The following CRPPA variants were observed in gnomAD, a reference collection of about 807,000 sequenced individuals.
CRPPA encodes the protein D-ribitol-5-phosphate cytidylyltransferase.
CRPPA carries 43 observed loss-of-function variants against 52.0 expected under a neutral mutation model. The ratio of observed to expected loss-of-function variants is 0.83; its 90% CI spans 0.65 to 1.07. The LOEUF is 1.07. CRPPA is among the 50% of genes least tolerant of loss of function. The probability of loss-of-function intolerance (pLI) is 0.00; values close to 1 mark genes in which losing one functional copy is unlikely to be tolerated. For synonymous variants in CRPPA, 250 were observed against 203.5 expected (o/e 1.23, Z -1.94); for missense variants, 629 against 551.7 (o/e 1.14, Z -1.40).
At position 16,239,571 on chromosome 7, in the gene CRPPA, A is replaced by C. The variant is rs1318374324; in HGVS notation, c.1119+18819T>G. On this transcript the variant is annotated intron_variant, in intron 8 of 9. Coordinates refer to ENST00000407010, the MANE Select transcript of CRPPA (RefSeq NM_001101426.4). Reference sequence around the variant, plus strand: ...TAGAAGTCAATAGCAAAAAAAAAAAAAAAAAAAAAAAAACTAGTGAGAGAA... The same window carrying C: ...TAGAAGTCAATAGCAAAAAAAAAAACAAAAAAAAAAAAACTAGTGAGAGAA... Among the ~76,000 whole-genome samples the C allele has an allele frequency of 8.0e-5, 12 of 149,498 alleles. No individual in the cohort carries two copies. The East Asian group carries it at 2.1e-3, about 27-fold the overall frequency.
At position 16,406,128 on chromosome 7, in the gene CRPPA, T is replaced by A. The variant is rs1787947204; in HGVS notation, c.467A>T (p.Asp156Val). Residue 156 changes from aspartate to valine, a missense_variant, in exon 2 of 10, where the codon GAT (aspartate) becomes GTT (valine). By Grantham distance (152) the Asp-to-Val change is radical. Transcript: ENST00000407010. Reference protein sequence around the residue: ...LSKPEVVIIHDAVRPFVEEGV... With the variant: ...LSKPEVVIIHVAVRPFVEEGV... ...TTCCTCAACAAATGGTCTCACAGCA[T>A]CATGGATAATCACTACTTCTGGCTT... 2.5e-6 allele frequency: 4 copies of A among 1,613,966 alleles called. No individual in the cohort carries two copies. The highest frequency in any genetic ancestry group is 3.4e-6 in the Non-Finnish European group (4 of 1,179,854).
At chr7:16,412,348 G>A (rs1788092957) in intron 1 of CRPPA, among the ~76,000 whole-genome samples, 1 of 152,166 alleles carries the variant, frequency 6.6e-6, no homozygotes, top group African/African-American at 2.4e-5. Flanking sequence ...TAGGTTGTTT[G>A]CATGAATTTT....
intron 9 of CRPPA, among the ~76,000 whole-genome samples, chr7:16,210,757 C>T (rs1782111663): frequency 6.6e-6 from 1 of 151,892 alleles, no homozygotes; most frequent in Non-Finnish European, 1.5e-5. Context: ...AAGAAATTCG[C>T]TCATTAAAAA....
At chr7:16,396,345 T>C (rs999322102) in intron 2 of CRPPA, among the ~76,000 whole-genome samples, 2 of 152,100 alleles carry the variant, frequency 1.3e-5, no homozygotes, top group African/African-American at 2.4e-5. Flanking sequence ...ATCAGAGAAA[T>C]GCAAATCAAA....
At chr7:16,219,770 A>G (rs1372976278) in intron 8 of CRPPA, among the ~76,000 whole-genome samples, 2 of 131,252 alleles carry the variant, frequency 1.5e-5, no homozygotes, top group African/African-American at 5.3e-5. Flanking sequence ...GAATAGACCA[A>G]TAACAGGAGC....
intron 3 of CRPPA, among the ~76,000 whole-genome samples, chr7:16,364,197 AG>A (rs749022147): frequency 3.0e-4 from 45 of 152,354 alleles, no homozygotes; most frequent in Non-Finnish European, 5.0e-4. Context: ...ATAAAATGTG[AG>A]CATCTGAGCC....
At chr7:16,192,388 A>G (rs538051292) in intron 9 of CRPPA, among the ~76,000 whole-genome samples, 1 of 152,264 alleles carries the variant, frequency 6.6e-6, no homozygotes, top group African/African-American at 2.4e-5. Context: ...CACAGATAAC[A>G]TGCACAATCT....
At chr7:16,316,327 A>C (rs1411876696) in intron 3 of CRPPA, among the ~76,000 whole-genome samples, 1 of 151,996 alleles carries the variant, frequency 6.6e-6, no homozygotes, top group Non-Finnish European at 1.5e-5. Flanking sequence ...TGAAGACTTT[A>C]TTTTTGTACC....
intron 2 of CRPPA, among the ~76,000 whole-genome samples, chr7:16,390,142 C>T (rs1375612999): frequency 6.6e-6 from 1 of 151,478 alleles, no homozygotes; most frequent in Non-Finnish European, 1.5e-5. Flanking sequence ...CTACTTTTAC[C>T]CATTCCCTCT....
chr7:16,376,778 A>G (rs1786900006), intron 2 of CRPPA, among the ~76,000 whole-genome samples: 1 of 152,212 alleles, frequency 6.6e-6, no homozygotes, highest in African/African-American at 2.4e-5. Flanking sequence ...TCTCCATGCA[A>G]TGCTTCCTCA....
chr7:16,200,501 T>G (rs1299066332), intron 9 of CRPPA, among the ~76,000 whole-genome samples: 1 of 152,178 alleles, frequency 6.6e-6, no homozygotes, highest in African/African-American at 2.4e-5. Flanking sequence ...GGCATTCACA[T>G]CCTACAAATT....
At position 16,390,306 on chromosome 7, in the gene CRPPA, C is replaced by T. The variant is rs564459580; in HGVS notation, c.535-14065G>A. 5.9e-5 allele frequency among the ~76,000 whole-genome samples: 9 copies of T among 152,176 alleles called. No individual in the cohort carries two copies. The East Asian group carries it at 1.7e-3, about 29-fold the overall frequency. ...ATATATATCTTCTTCCAGCTAATAA[C>T]AAGTTTCTTCACACAAGTATAAAGC... is the stretch of plus-strand genomic sequence containing the variant. On this transcript the variant is annotated intron_variant, in intron 2 of 9. Coordinates refer to ENST00000407010, the MANE Select transcript of CRPPA (RefSeq NM_001101426.4).
At chr7:16,307,673 C>CAAAA (rs55682769) in intron 4 of CRPPA, among the ~76,000 whole-genome samples, 17 of 44,366 alleles carry the variant, frequency 3.8e-4, no homozygotes, top group African/African-American at 1.1e-3. Context: ...GAAACTCTGT[C>CAAAA]AAAAAAAAAA....
At chr7:16,235,486 C>A (rs566525575) in intron 8 of CRPPA, among the ~76,000 whole-genome samples, 1 of 151,972 alleles carries the variant, frequency 6.6e-6, no homozygotes, top group Non-Finnish European at 1.5e-5. Flanking sequence ...TGGTCTGCTG[C>A]CTATTTTGTA....
chr7:16,417,115 T>C (rs1428666290), intron 1 of CRPPA, among the ~76,000 whole-genome samples: 1 of 152,086 alleles, frequency 6.6e-6, no homozygotes, highest in Non-Finnish European at 1.5e-5. Context: ...CCAGTCATGA[T>C]GACTATTATG....
rs1003863939 is a variant in CRPPA at position 16,089,114 on chromosome 7, A to C, written c.*2581T>G. 1.3e-5 allele frequency: 3 copies of C among 228,076 alleles called. No homozygotes were observed. The highest frequency in any genetic ancestry group is 2.2e-5 in the African/African-American group (1 of 45,774). 14.1% of individuals were successfully genotyped at this position (228,076 alleles called of 1,614,324 possible). On this transcript the variant is annotated 3_prime_UTR_variant, in exon 10 of 10. Transcript: ENST00000407010. Reference sequence around the variant, plus strand: ...AATTTCCTCATGAAAATAGTGAAGGATGTGCAGATATATATACATATAAAA... The same window carrying C: ...AATTTCCTCATGAAAATAGTGAAGGCTGTGCAGATATATATACATATAAAA...
chr7:16,225,508 T>C (rs906002766), intron 8 of CRPPA, among the ~76,000 whole-genome samples: 14 of 151,972 alleles, frequency 9.2e-5, no homozygotes, highest in Admixed American at 3.3e-4. Context: ...CATAATTCTA[T>C]GTTCATTTAC....
intron 2 of CRPPA, among the ~76,000 whole-genome samples, chr7:16,405,697 C>T (rs1787936191): frequency 6.6e-6 from 1 of 152,120 alleles, no homozygotes. Flanking sequence ...TCGAAACTAA[C>T]ACAAAATTGA....
chr7:16,172,244 A>G (rs1343645431), intron 9 of CRPPA, among the ~76,000 whole-genome samples: 2 of 152,152 alleles, frequency 1.3e-5, no homozygotes, highest in Non-Finnish European at 2.9e-5. Context: ...CAAACTAAGG[A>G]GCTTGGTGTT....
Sources: gnomAD v4.1 joint callset for allele counts (sites outside exome capture counted in the v4.1 genomes callset) on GRCh38, gnomAD v4.1.1 for gene constraint, MANE v1.5 for transcripts, NCBI Gene and HGNC (gene_info 2026-07-23, HGNC 2026-07-21) for gene names.